The following CDH3 variants were observed in gnomAD, a reference collection of about 807,000 sequenced individuals.
The protein encoded by CDH3 is cadherin-3.
Under a neutral mutation model 82.0 loss-of-function variants are expected in CDH3, and 54 were observed. The ratio of observed to expected loss-of-function variants is 0.66; its 90% confidence interval spans 0.53 to 0.83. The LOEUF is 0.83. Ranked by LOEUF, CDH3 falls within the 40% of genes least tolerant of loss-of-function variation. The pLI is 0.00. For synonymous variants in CDH3, 446 were observed against 437.9 expected, an observed-to-expected ratio of 1.02 and a Z score of -0.23; for missense variants, 1,054 against 1,084.6, an observed-to-expected ratio of 0.97 and a Z score of 0.40.
downstream of CDH3, among the ~76,000 whole-genome samples, chr16:68,731,650 A>G (rs2152112570): frequency 6.6e-6 from 1 of 150,584 alleles, no homozygotes; most frequent in South Asian, 2.1e-4. Context: ...CAGCCTGGGC[A>G]ACAAGATGAA....
chr16:68,647,566 A>AG (rs1407168893), intron 2 of CDH3, among the ~76,000 whole-genome samples: 1 of 152,184 alleles, frequency 6.6e-6, no homozygotes, highest in Admixed American at 6.6e-5. Flanking sequence ...TATACAACAA[A>AG]GGACGGGTTA....
chr16:68,655,738 T>C (rs1043175963), intron 2 of CDH3, among the ~76,000 whole-genome samples: 1 of 152,162 alleles, frequency 6.6e-6, no homozygotes, highest in African/African-American at 2.4e-5. Flanking sequence ...GGCAAGCACC[T>C]GTAATCCCAG....
At chr16:68,714,108 A>G (rs530837779) in intron 1 of CDH3, among the ~76,000 whole-genome samples, 6 of 151,954 alleles carry the variant, frequency 3.9e-5, no homozygotes, top group African/African-American at 1.4e-4. Flanking sequence ...TAATTTTTAT[A>G]TTTTTAGTAG....
exon 3 of CDH3, among the ~76,000 whole-genome samples, chr16:68,727,292 A>C (rs955605446): frequency 6.6e-6 from 1 of 152,182 alleles, no homozygotes; most frequent in Admixed American, 6.5e-5. Context: ...GGGCAATGCT[A>C]CCAGCTTCCT....
At chr16:68,706,979 G>A (rs12447959) in intron 1 of CDH3, among the ~76,000 whole-genome samples, 1 of 152,110 alleles carries the variant, frequency 6.6e-6, no homozygotes, top group African/African-American at 2.4e-5. Flanking sequence ...TAAAATACGT[G>A]GTCTAGTAAA....
At chr16:68,687,459 G>A (rs975917195) in intron 11 of CDH3, 53 bp from the exon 12 acceptor site, 2 of 1,470,438 alleles carry the variant, frequency 1.4e-6, no homozygotes, top group African/African-American at 2.8e-5. Flanking sequence ...GAGCCCCCCT[G>A]AGGCTGACTG....
rs1173515855 is a variant in CDH3, at chr16:68,699,127, A to G, written c.*727A>G. On this transcript the variant is annotated 3_prime_UTR_variant, in exon 16 of 16. Coordinates refer to ENST00000264012, the MANE Select transcript of CDH3 (RefSeq NM_001793.6). Reference sequence around the variant, plus strand: ...TACCATTCACTTGTTTAACGTTTACAATTCAATGGTTTTTAGAATTTTCAG... The same window carrying G: ...TACCATTCACTTGTTTAACGTTTACGATTCAATGGTTTTTAGAATTTTCAG... The G allele has an allele frequency of 6.6e-6, 1 of 152,250 alleles. No homozygotes were observed. Among genetic ancestry groups the G allele is most frequent in the East Asian group, 1.9e-4 (1 of 5,282 alleles). The allele number at this position is 152,250 out of a possible 1,614,324, so 9.4% of individuals were successfully genotyped here.
chr16:68,731,882 G>A (rs564063404), downstream of CDH3, among the ~76,000 whole-genome samples: 12 of 152,014 alleles, frequency 7.9e-5, no homozygotes, highest in South Asian at 2.3e-3. Flanking sequence ...AAATAAAAAT[G>A]CAAAGGTAGA....
intron 15 of CDH3, chr16:68,696,861 C>T (rs1597821843): frequency 6.6e-6 from 1 of 152,162 alleles, no homozygotes; most frequent in East Asian, 1.9e-4. Flanking sequence ...ACATACTACT[C>T]CCTGTCCTGT....
chr16:68,673,455 C>G (rs948192665), intron 2 of CDH3, among the ~76,000 whole-genome samples: 4 of 146,082 alleles, frequency 2.7e-5, no homozygotes, highest in Non-Finnish European at 6.0e-5. Context: ...CTCTCTCTCT[C>G]TAGCCCCTGG....
intron 2 of CDH3, among the ~76,000 whole-genome samples, chr16:68,672,533 T>A (rs1484478826): frequency 6.6e-6 from 1 of 152,066 alleles, no homozygotes; most frequent in African/African-American, 2.4e-5. Flanking sequence ...AGAAGATGAG[T>A]CTACAAAGCT....
chr16:68,728,311 G>GC (rs1962240148), downstream of CDH3, among the ~76,000 whole-genome samples: 1 of 151,934 alleles, frequency 6.6e-6, no homozygotes. Context: ...GACTGCAGGC[G>GC]CCCGCCACCA....
intron 2 of CDH3, chr16:68,651,691 A>G (rs1314251135): frequency 2.3e-6 from 1 of 443,210 alleles, no homozygotes; most frequent in Non-Finnish European, 4.4e-6. Flanking sequence ...ATGAAGTTGG[A>G]GAGGTTTTCT....
chr16:68,718,138 A>G (rs904426649), intron 1 of CDH3, among the ~76,000 whole-genome samples: 1 of 151,768 alleles, frequency 6.6e-6, no homozygotes, highest in South Asian at 2.1e-4. Flanking sequence ...CCTCCTGGGT[A>G]GCTAGGACTA....
chr16:68,684,096 T>A, intron 9 of CDH3, among the ~76,000 whole-genome samples: 1 of 139,820 alleles, frequency 7.2e-6, no homozygotes, highest in South Asian at 2.3e-4. Flanking sequence ...CTGGGTGCGG[T>A]GGCACACACC....
intron 2 of CDH3, among the ~76,000 whole-genome samples, chr16:68,658,494 C>T (rs545954835): frequency 9.2e-5 from 14 of 152,188 alleles, no homozygotes; most frequent in African/African-American, 3.4e-4. Flanking sequence ...TGCTCACTGG[C>T]CAGTGAGAGG....
chr16:68,719,793 C>G (rs1399165455), intron 1 of CDH3, among the ~76,000 whole-genome samples: 1 of 151,946 alleles, frequency 6.6e-6, no homozygotes, highest in African/African-American at 2.4e-5. Context: ...GCCACCACAC[C>G]CAGAGATGGA....
chr16:68,685,481 G>T, intron 11 of CDH3, 131 bp downstream of exon 11: 6 of 914,722 alleles, frequency 6.6e-6, no homozygotes, highest in Non-Finnish European at 1.0e-5. Context: ...AATCCAGACG[G>T]TCAAAGGGGT....
intron 15 of CDH3, 73 bp downstream of exon 15, chr16:68,695,996 T>G (rs745867703): frequency 2.6e-6 from 4 of 1,534,304 alleles, no homozygotes; most frequent in South Asian, 1.1e-5. Context: ...AGAACAAGCA[T>G]GGGCCTGGAG....
Sources: gnomAD v4.1 joint callset for allele counts (sites outside exome capture counted in the v4.1 genomes callset) on GRCh38, gnomAD v4.1.1 for gene constraint, MANE v1.5 for transcripts, NCBI Gene and HGNC (gene_info 2026-07-23, HGNC 2026-07-21) for gene names.